Variants in MRTFA observed in about 807,000 individuals in gnomAD.
MRTFA encodes myocardin-related transcription factor A.
MRTFA carries 20 observed loss-of-function variants against 83.5 expected under a neutral mutation model. The ratio of observed to expected loss-of-function variants is 0.24; its 90% CI spans 0.17 to 0.35. The LOEUF (loss-of-function observed/expected upper bound fraction) is 0.35. Ranked by LOEUF, MRTFA falls within the 10% of genes least tolerant of loss-of-function variation. MRTFA has a pLI of 1.00. For synonymous variants in MRTFA, 659 were observed against 541.2 expected (o/e 1.22, Z -3.02); for missense variants, 1,200 against 1,224.7 (o/e 0.98, Z 0.30).
intron 3 of MRTFA, among the ~76,000 whole-genome samples, chr22:40,544,380 A>C (rs1309042404): frequency 1.3e-5 from 2 of 152,144 alleles, no homozygotes; most frequent in Non-Finnish European, 2.9e-5. Context: ...GACTACAGGC[A>C]TGAGCCACCA....
chr22:40,451,177 C>CAA (rs1009521157), intron 4 of MRTFA, among the ~76,000 whole-genome samples: 8 of 152,258 alleles, frequency 5.3e-5, no homozygotes, highest in African/African-American at 1.9e-4. Context: ...GCTTGACTTC[C>CAA]ATTTTTTGTC....
intron 2 of MRTFA, among the ~76,000 whole-genome samples, chr22:40,562,672 G>GGGGGAAGAGGGAAGGGGAAAAGA (rs2055641161): frequency 1.2e-5 from 1 of 84,236 alleles, no homozygotes; most frequent in Non-Finnish European, 2.5e-5. Flanking sequence ...AGGAGGGAAA[G>GGGGGAAGAGGGAAGGGGAAAAGA]GGGGAAGAGG....
At chr22:40,627,878 T>C (rs1353413141) in intron 1 of MRTFA, among the ~76,000 whole-genome samples, 1 of 152,100 alleles carries the variant, frequency 6.6e-6, no homozygotes, top group Non-Finnish European at 1.5e-5. Flanking sequence ...GAGAACTGCT[T>C]CAGCAGTTTG....
At chr22:40,491,993 G>T (rs73887830) in intron 3 of MRTFA, among the ~76,000 whole-genome samples, 1 of 152,150 alleles carries the variant, frequency 6.6e-6, no homozygotes, top group South Asian at 2.1e-4. Flanking sequence ...GAACCTTCCC[G>T]CAAACTGTGA....
chr22:40,543,204 A>C (rs1168804245), intron 3 of MRTFA, among the ~76,000 whole-genome samples: 1 of 152,190 alleles, frequency 6.6e-6, no homozygotes, highest in Non-Finnish European at 1.5e-5. Context: ...ATAATTAACA[A>C]AACTCTTTCC....
chr22:40,424,067 G>T, intron 8 of MRTFA, 139 bp downstream of exon 8: 3 of 965,402 alleles, frequency 3.1e-6, no homozygotes, highest in Non-Finnish European at 4.4e-6. Flanking sequence ...CAAGCAGCCA[G>T]CACCTAAGCA....
intron 7 of MRTFA, among the ~76,000 whole-genome samples, chr22:40,426,615 G>C (rs548686831): frequency 6.6e-6 from 1 of 152,246 alleles, no homozygotes; most frequent in Non-Finnish European, 1.5e-5. Context: ...TGCCCATGCT[G>C]TTCCCTCTTG....
intron 4 of MRTFA, among the ~76,000 whole-genome samples, chr22:40,437,123 T>C (rs2053186231): frequency 6.6e-6 from 1 of 152,082 alleles, no homozygotes; most frequent in Non-Finnish European, 1.5e-5. Flanking sequence ...ACAAATAACA[T>C]CAAAGAAAAA....
At chr22:40,518,711 C>T (rs759755982) in intron 3 of MRTFA, among the ~76,000 whole-genome samples, 6 of 142,764 alleles carry the variant, frequency 4.2e-5, no homozygotes, top group Non-Finnish European at 9.0e-5. Context: ...AGGAGAATGG[C>T]GTGAACCCAG....
At chr22:40,544,603 G>A (rs910833194) in intron 3 of MRTFA, among the ~76,000 whole-genome samples, 1 of 152,160 alleles carries the variant, frequency 6.6e-6, no homozygotes, top group African/African-American at 2.4e-5. Flanking sequence ...GAAGATGTCT[G>A]CAATACACTT....
chr22:40,440,879 G>A (rs1416283707), intron 4 of MRTFA, among the ~76,000 whole-genome samples: 2 of 152,146 alleles, frequency 1.3e-5, no homozygotes, highest in African/African-American at 4.8e-5. Context: ...TTAGGCCTCT[G>A]CCAATTGAAG....
intron 4 of MRTFA, among the ~76,000 whole-genome samples, chr22:40,451,329 T>C (rs1179319169): frequency 6.6e-6 from 1 of 152,190 alleles, no homozygotes; most frequent in East Asian, 1.9e-4. Flanking sequence ...AATGAAAGCA[T>C]TTGGGTGGCG....
chr22:40,532,797 G>A (rs770627975), intron 3 of MRTFA, among the ~76,000 whole-genome samples: 17 of 152,194 alleles, frequency 1.1e-4, no homozygotes, highest in Non-Finnish European at 1.9e-4. Flanking sequence ...AGTGGATGGG[G>A]AAGAGGTCCC....
At chr22:40,579,036 A>G (rs765142606) in intron 2 of MRTFA, among the ~76,000 whole-genome samples, 18 of 152,344 alleles carry the variant, frequency 1.2e-4, no homozygotes, top group Non-Finnish European at 1.8e-4. Context: ...TGAGCCCAGG[A>G]GCTCAAGACT....
At chr22:40,540,289 G>T (rs896648588) in intron 3 of MRTFA, among the ~76,000 whole-genome samples, 1 of 152,114 alleles carries the variant, frequency 6.6e-6, no homozygotes, top group African/African-American at 2.4e-5. Flanking sequence ...CTTCGGCCTT[G>T]TTTCTACTAA....
rs146981286 is a variant in MRTFA at position 40,551,012 on chromosome 22, T to C, written c.241+1094A>G. On this transcript the variant is annotated intron_variant, in intron 3 of 14. Coordinates refer to ENST00000355630, the MANE Select transcript of MRTFA (RefSeq NM_020831.6). The stretch of plus-strand genomic sequence containing the variant: ...GATTACAAGCATGTGCCACCATGCC[T>C]GGCTAATTTTGTATCTTTAGTAAAG... Among the ~76,000 whole-genome samples, 121 of 151,952 alleles carry C rather than the reference T, an allele frequency of 8.0e-4. 2 individuals carry two copies. The East Asian group carries it at 0.023, about 29-fold the overall frequency.
Position 40,420,574 on chromosome 22 carries a change from G to A in MRTFA, c.1184C>T (p.Ser395Leu). ...GCTGCTTCCCAGGGCCTCGCCTGCTGACCTGGGAAGAAAAGGCAGAAATTA... is the reference window on the plus strand; with the variant it reads ...GCTGCTTCCCAGGGCCTCGCCTGCTAACCTGGGAAGAAAAGGCAGAAATTA... The change falls in exon 11 of 15, where the codon TCA becomes TTA. Residue 395 changes from serine (S) to leucine (L), a missense_variant and splice_region_variant. Coordinates refer to ENST00000355630, the MANE Select transcript of MRTFA (RefSeq NM_020831.6). 1 of 1,612,812 alleles carries A rather than the reference G, an allele frequency of 6.2e-7. No homozygotes were observed. Among genetic ancestry groups the A allele is most frequent in the Non-Finnish European group, 8.5e-7 (1 of 1,179,744 alleles).
chr22:40,571,422 A>T (rs1193386666), intron 2 of MRTFA, among the ~76,000 whole-genome samples: 1 of 152,210 alleles, frequency 6.6e-6, no homozygotes, highest in Non-Finnish European at 1.5e-5. Flanking sequence ...GATAAACAGG[A>T]GGTCCAGATA....
At chr22:40,479,853 T>C (rs1018607731) in intron 3 of MRTFA, among the ~76,000 whole-genome samples, 2 of 152,154 alleles carry the variant, frequency 1.3e-5, no homozygotes, top group Non-Finnish European at 2.9e-5. Context: ...ATAGATATCT[T>C]CTATTTAATC....
Sources: gnomAD v4.1 joint callset for allele counts (sites outside exome capture counted in the v4.1 genomes callset) on GRCh38, gnomAD v4.1.1 for gene constraint, MANE v1.5 for transcripts, NCBI Gene and HGNC (gene_info 2026-07-23, HGNC 2026-07-21) for gene names.